The following GMDS variants were observed in gnomAD, a reference collection of about 807,000 sequenced individuals.
GMDS encodes GDP-mannose 4,6-dehydratase, also known as GDP-mannose 4,6 dehydratase.
Under a neutral mutation model 49.9 loss-of-function variants are expected in GMDS, and 20 were observed. The ratio of observed to expected loss-of-function variants is 0.40; its 90% CI spans 0.28 to 0.58. GMDS has a LOEUF of 0.58. Among genes scored for constraint, GMDS ranks in the 20% least tolerant of loss-of-function variants. The pLI is 0.42. For synonymous variants in GMDS, 177 were observed against 178.6 expected (o/e 0.99, Z 0.07); for missense variants, 362 against 481.4 (o/e 0.75, Z 2.32).
At chr6:2,227,067 T>C (rs1191236487) in intron 1 of GMDS, among the ~76,000 whole-genome samples, 2 of 152,216 alleles carry the variant, frequency 1.3e-5, no homozygotes, top group Admixed American at 6.5e-5. Flanking sequence ...AGTGGTGGGA[T>C]TGCGGGTGTT....
intron 9 of GMDS, among the ~76,000 whole-genome samples, chr6:1,676,600 A>G (rs1333014619): frequency 6.6e-6 from 1 of 152,208 alleles, no homozygotes; most frequent in Non-Finnish European, 1.5e-5. Context: ...GACCAATGGA[A>G]CAGAATAGAG....
At chr6:1,639,019 G>A (rs962515587) in intron 9 of GMDS, among the ~76,000 whole-genome samples, 2 of 152,186 alleles carry the variant, frequency 1.3e-5, no homozygotes, top group African/African-American at 2.4e-5. Context: ...AGAAGCTCAA[G>A]GTCAGTGATG....
intron 9 of GMDS, among the ~76,000 whole-genome samples, chr6:1,714,989 G>A (rs986861303): frequency 1.3e-5 from 2 of 152,132 alleles, no homozygotes; most frequent in Non-Finnish European, 2.9e-5. Flanking sequence ...GAGACAGTTG[G>A]GATAGATCAA....
chr6:2,122,956 C>T (rs1775222844), intron 2 of GMDS, among the ~76,000 whole-genome samples: 1 of 152,172 alleles, frequency 6.6e-6, no homozygotes, highest in South Asian at 2.1e-4. Context: ...CTTTTTGTGT[C>T]ATAATAAAAT....
intron 1 of GMDS, among the ~76,000 whole-genome samples, chr6:2,154,322 C>T (rs575001547): frequency 2.6e-5 from 4 of 152,152 alleles, no homozygotes; most frequent in East Asian, 1.9e-4. Flanking sequence ...TATTTGGGAA[C>T]GCATTTACTT....
chr6:2,129,668 A>G (rs1291412692), intron 1 of GMDS, among the ~76,000 whole-genome samples: 1 of 152,164 alleles, frequency 6.6e-6, no homozygotes, highest in African/African-American at 2.4e-5. Context: ...AATTACTCCT[A>G]AGGCATCTTC....
At chr6:2,244,729 T>C (rs1239244230) in intron 1 of GMDS, among the ~76,000 whole-genome samples, 1 of 152,082 alleles carries the variant, frequency 6.6e-6, no homozygotes, top group Admixed American at 6.5e-5. Context: ...ATCTCAGAAG[T>C]TGGCGTGATT....
At chr6:2,021,887 G>A (rs145208802) in intron 4 of GMDS, among the ~76,000 whole-genome samples, 7 of 152,280 alleles carry the variant, frequency 4.6e-5, no homozygotes, top group Admixed American at 3.3e-4. Flanking sequence ...TGATTTAGAG[G>A]TTGTGAAATG....
intron 9 of GMDS, among the ~76,000 whole-genome samples, chr6:1,710,560 T>C (rs545338385): frequency 9.9e-5 from 15 of 152,048 alleles, no homozygotes; most frequent in Non-Finnish European, 1.6e-4. Context: ...AAAACACACG[T>C]CTGCCCTGAC....
chr6:1,872,941 G>C (rs1173265462), intron 7 of GMDS, among the ~76,000 whole-genome samples: 2 of 152,226 alleles, frequency 1.3e-5, no homozygotes, highest in African/African-American at 4.8e-5. Context: ...AGGAGCAGGA[G>C]GCATGGTATT....
At chr6:1,846,152 C>T (rs568256018) in intron 7 of GMDS, among the ~76,000 whole-genome samples, 4 of 149,800 alleles carry the variant, frequency 2.7e-5, no homozygotes, top group Admixed American at 1.3e-4. Context: ...GAGTGCAGTG[C>T]CACAATCACA....
chr6:2,176,275 T>A (rs1167173702), intron 1 of GMDS, among the ~76,000 whole-genome samples: 1 of 152,204 alleles, frequency 6.6e-6, no homozygotes, highest in African/African-American at 2.4e-5. Flanking sequence ...AAAAAAAATT[T>A]TTTTTTCTTA....
rs1160004472 is a variant in GMDS, at chr6:1,960,849, T to C, written c.463A>G (p.Thr155Ala). The change falls in exon 5 of 11, where the codon ACA (threonine) becomes GCA (alanine). Residue 155 changes from threonine to alanine, a missense_variant. Transcript: ENST00000380815. ...INSVKFYQAS[T>A]SELYGKVQEI... ...TGCACTTTCCCATAAAGTTCACTTG[T>C]TGAGGCTTGGTAGAACTTCACAGAG... 6.2e-7 allele frequency: 1 copy of C among 1,612,394 alleles called. No homozygotes were observed. The highest frequency in any genetic ancestry group is 1.3e-5 in the African/African-American group (1 of 74,916).
intron 1 of GMDS, among the ~76,000 whole-genome samples, chr6:2,231,305 C>A (rs1781098796): frequency 6.6e-6 from 1 of 152,080 alleles, no homozygotes; most frequent in Non-Finnish European, 1.5e-5. Context: ...CACCTGTTAT[C>A]CCAGCAGTTT....
intron 7 of GMDS, among the ~76,000 whole-genome samples, chr6:1,918,127 A>G (rs1761497598): frequency 6.6e-6 from 1 of 152,110 alleles, no homozygotes; most frequent in Admixed American, 6.5e-5. Context: ...ATGGGTACAG[A>G]CTGAGAGAGA....
At chr6:2,180,295 G>C (rs2127561149) in intron 1 of GMDS, among the ~76,000 whole-genome samples, 1 of 152,296 alleles carries the variant, frequency 6.6e-6, no homozygotes. Context: ...AAAGCACCTA[G>C]ATCTTTTTGA....
At chr6:1,834,145 A>G (rs1756814765) in intron 7 of GMDS, among the ~76,000 whole-genome samples, 1 of 152,232 alleles carries the variant, frequency 6.6e-6, no homozygotes, top group African/African-American at 2.4e-5. Flanking sequence ...ATGCTTTGAA[A>G]TTAAAACAGA....
At chr6:2,204,162 C>T (rs1286068141) in intron 1 of GMDS, among the ~76,000 whole-genome samples, 8 of 152,156 alleles carry the variant, frequency 5.3e-5, no homozygotes, top group African/African-American at 1.9e-4. Flanking sequence ...CATCAATCAC[C>T]ACAGCTGTGG....
intron 9 of GMDS, among the ~76,000 whole-genome samples, chr6:1,642,904 C>T (rs1388246355): frequency 6.6e-6 from 1 of 152,192 alleles, no homozygotes; most frequent in African/African-American, 2.4e-5. Flanking sequence ...GAGTCCCCTT[C>T]CTCACTGAGT....
Sources: allele counts gnomAD v4.1 joint callset (sites outside exome capture counted in the v4.1 genomes callset), GRCh38; gene constraint gnomAD v4.1.1; transcripts MANE v1.5; gene names NCBI Gene and HGNC (gene_info 2026-07-23, HGNC 2026-07-21).